Variants in THTPA observed in about 807,000 individuals in gnomAD.
THTPA encodes the protein thiamine-triphosphatase.
In THTPA, 16 loss-of-function variants were observed where a neutral mutation model predicts 16.5. The observed-to-expected ratio is 0.97, with a 90% CI of 0.66 to 1.47. The LOEUF is 1.47. Ranked by LOEUF, THTPA falls within the 40% of genes most tolerant of loss-of-function variation. The pLI is 0.00. For synonymous variants in THTPA, 110 were observed against 115.5 expected, an observed-to-expected ratio of 0.95 and a Z score of 0.30; for missense variants, 281 against 280.9, an observed-to-expected ratio of 1.00 and a Z score of 0.00.
chr14:23,542,406 CAG>C, the THTPA span, among the ~76,000 whole-genome samples: 1 of 151,208 alleles, frequency 6.6e-6, no homozygotes, highest in Non-Finnish European at 1.5e-5. Flanking sequence ...AGGTGTGCTG[CAG>C]AGTGTCTGCT....
chr14:23,559,690 CTGCTGGGGCCCCCTGGGG>C lies in THTPA; in HGVS notation c.*852_*869del. 1 of 1,548,774 alleles carries C rather than the reference CTGCTGGGGCCCCCTGGGG, an allele frequency of 6.5e-7. No individual in the cohort carries two copies. The highest frequency in any genetic ancestry group is 8.9e-7 in the Non-Finnish European group (1 of 1,127,984). Reference sequence around the variant, plus strand: ...GTAGCCCTCAGGTGTAGGTTCGAAGCTGCTGGGGCCCCCTGGGGTTTGGGACACAGGAGAATTTCAGGC... The same window carrying C: ...GTAGCCCTCAGGTGTAGGTTCGAAGCTTTGGGACACAGGAGAATTTCAGGC... On this transcript the variant is annotated 3_prime_UTR_variant, in exon 2 of 2. Coordinates refer to ENST00000288014, the MANE Select transcript of THTPA (RefSeq NM_024328.6).
At chr14:23,526,241 G>A in the THTPA span, 1 of 1,536,364 alleles carries the variant, frequency 6.5e-7, no homozygotes, top group Non-Finnish European at 8.7e-7. Context: ...TGGGGCACCG[G>A]CCTCTCCCCG....
the THTPA span, among the ~76,000 whole-genome samples, chr14:23,537,860 A>G: frequency 2.0e-5 from 3 of 151,950 alleles, no homozygotes; most frequent in Admixed American, 6.6e-5. Context: ...CCCTTCCACT[A>G]CCCCACCTGG....
the THTPA span, chr14:23,525,949 G>T: frequency 2.0e-6 from 3 of 1,496,572 alleles, no homozygotes; most frequent in South Asian, 4.0e-5. This position sits in a 1 kb window ranked among gnomAD's most constrained non-coding sequence, Gnocchi z 5.9. Flanking sequence ...ATCGGTGCAG[G>T]TCCAAGGGAG....
the THTPA span, chr14:23,521,868 G>C: frequency 2.7e-6 from 4 of 1,500,020 alleles, no homozygotes. Flanking sequence ...GGGGCCAGGG[G>C]GTGGGGTGAG....
the THTPA span, chr14:23,521,861 G>A: frequency 8.2e-5 from 122 of 1,491,392 alleles, no homozygotes; most frequent in Non-Finnish European, 9.5e-5. Context: ...GGTGGGCGGG[G>A]CCAGGGGGTG....
At chr14:23,551,403 A>C (rs1881936308), upstream of THTPA, 1 of 152,280 alleles carries the variant, frequency 6.6e-6, no homozygotes, top group Admixed American at 6.6e-5. This position sits in a 1 kb window ranked among gnomAD's most constrained non-coding sequence, Gnocchi z 5.3. Flanking sequence ...CGAGGCGGGG[A>C]GGGGAGGGGG....
the THTPA span, chr14:23,530,835 CT>C: frequency 8.5e-6 from 2 of 235,804 alleles, no homozygotes; most frequent in South Asian, 5.3e-5. Flanking sequence ...TGCCCATGCC[CT>C]CGCCCTTGCC....
the THTPA span, chr14:23,523,845 A>G: frequency 1.3e-6 from 2 of 1,536,016 alleles, no homozygotes; most frequent in Non-Finnish European, 1.7e-6. This position sits in a 1 kb window ranked among gnomAD's most constrained non-coding sequence, Gnocchi z 4.1. Context: ...GAAGCAGATG[A>G]ATCACTCAGA....
the THTPA span, chr14:23,534,629 C>T: frequency 2.3e-5 from 35 of 1,536,064 alleles, no homozygotes; most frequent in Non-Finnish European, 2.6e-5. The surrounding 1 kb of genome is among the most constrained non-coding windows in gnomAD (Gnocchi z 4.5). Flanking sequence ...AAGACCGCCA[C>T]GTGGTTGCCC....
chr14:23,555,855 C>T (rs1882322201), upstream of THTPA: 1 of 152,306 alleles, frequency 6.6e-6, no homozygotes. Context: ...CTCCTTGCAC[C>T]CGACTCTCCC....
the THTPA span, among the ~76,000 whole-genome samples, chr14:23,520,388 G>A: frequency 6.8e-5 from 8 of 117,724 alleles, no homozygotes; most frequent in South Asian, 2.8e-4. This position sits in a 1 kb window ranked among gnomAD's most constrained non-coding sequence, Gnocchi z 8.7. Flanking sequence ...AGCAAAGGTG[G>A]GCCTCCAGGG....
At chr14:23,532,598 G>C in the THTPA span, 1 of 1,447,288 alleles carries the variant, frequency 6.9e-7, no homozygotes, top group Non-Finnish European at 9.1e-7. Flanking sequence ...TTCGTGGGCT[G>C]CACCCCTGGC....
At chr14:23,552,288 A>ATT (rs891218317), upstream of THTPA, among the ~76,000 whole-genome samples, 44 of 133,986 alleles carry the variant, frequency 3.3e-4, 1 homozygote, top group African/African-American at 2.8e-4. Flanking sequence ...GTGCTCCTGA[A>ATT]TTTTTTTTTT....
the THTPA span, chr14:23,524,712 GCTC>G: frequency 6.5e-7 from 1 of 1,536,306 alleles, no homozygotes; most frequent in East Asian, 2.4e-5. The surrounding 1 kb of genome is among the most constrained non-coding windows in gnomAD (Gnocchi z 5.6). Flanking sequence ...GCTTGGCTCA[GCTC>G]CTCCCCATCT....
chr14:23,518,088 G>A, the THTPA span, among the ~76,000 whole-genome samples: 1 of 152,152 alleles, frequency 6.6e-6, no homozygotes, highest in South Asian at 2.1e-4. The surrounding 1 kb of genome is among the most constrained non-coding windows in gnomAD (Gnocchi z 4.5). Context: ...ATGCCCATGG[G>A]GCCCCATCCT....
rs1882956440 is a variant in THTPA at position 23,559,181 on chromosome 14, GA to G, written c.*342del. The G allele has an allele frequency of 3.8e-6, 1 of 263,688 alleles. No homozygotes were observed. The highest frequency in any genetic ancestry group is 7.3e-6 in the Non-Finnish European group (1 of 136,522). The allele number at this position is 263,688 out of a possible 1,614,324, so 16.3% of individuals were successfully genotyped here. A position where few individuals can be genotyped will look rare whatever the true frequency, so the allele number is the denominator to read the frequency against. Reference sequence around the variant, plus strand: ...CCCCCCTCCCTTGGTCGATGCCATTGATTCTGCCAGCGGCTCCTAAACCGCC... The same window carrying G: ...CCCCCCTCCCTTGGTCGATGCCATTGTTCTGCCAGCGGCTCCTAAACCGCC... On this transcript the variant is annotated 3_prime_UTR_variant, in exon 2 of 2. Coordinates refer to ENST00000288014, the MANE Select transcript of THTPA (RefSeq NM_024328.6).
chr14:23,537,735 C>T, the THTPA span, among the ~76,000 whole-genome samples: 1 of 152,134 alleles, frequency 6.6e-6, no homozygotes, highest in Non-Finnish European at 1.5e-5. Context: ...CAGAAGCCCT[C>T]AAGTTGAGGG....
chr14:23,529,444 C>G, the THTPA span: 10 of 470,608 alleles, frequency 2.1e-5, no homozygotes, highest in Non-Finnish European at 3.9e-5. Flanking sequence ...CTTTCCTACT[C>G]TCAGCACAAT....
Sources: allele counts gnomAD v4.1 joint callset (sites outside exome capture counted in the v4.1 genomes callset), GRCh38; gene constraint gnomAD v4.1.1; non-coding constraint Gnocchi (gnomAD v3.1); transcripts MANE v1.5; gene names NCBI Gene and HGNC (gene_info 2026-07-23, HGNC 2026-07-21).